Variants in JMJD1C observed in about 807,000 individuals in gnomAD.
JMJD1C encodes the protein jumonji domain containing 1C.
JMJD1C carries 31 observed loss-of-function variants against 245.3 expected under a neutral mutation model. The ratio of observed to expected loss-of-function variants is 0.13; its 90% confidence interval spans 0.09 to 0.17. JMJD1C has a LOEUF of 0.17. JMJD1C is among the 10% of genes least tolerant of loss of function. JMJD1C has a pLI of 1.00. For missense variants in JMJD1C, 2,691 were observed against 3,000.2 expected (o/e 0.90, Z 2.41); for synonymous variants, 1,057 against 1,017.4 (o/e 1.04, Z -0.74).
chr10:63,317,871 G>A (rs753639302), intron 2 of JMJD1C, among the ~76,000 whole-genome samples: 21 of 152,042 alleles, frequency 1.4e-4, no homozygotes, highest in Admixed American at 3.3e-4. Context: ...TCGAGACAGG[G>A]CCTTGCTCTG....
rs762894410 is a variant in JMJD1C, at chr10:63,208,074, T to G, written c.3595A>C (p.Ser1199Arg). ...LTVSSTNTLR[S>R]MPALHRAPVF... ...GGTGCTCTATGTAATGCAGGCATAC[T>G]GCGGAGTGTATTTGTAGAAGAAACT... The change falls in exon 10 of 26, where the codon AGT (serine) becomes CGT (arginine). Residue 1199 changes from serine to arginine, a missense_variant. By Grantham distance (110) the Ser-to-Arg change is moderately radical. This residue lies in a region of JMJD1C where 1,562 missense variants were observed against 1,490.7 expected (regional missense o/e 1.05). Transcript: ENST00000399262. 6 of 1,614,046 alleles carry G rather than the reference T, an allele frequency of 3.7e-6. No individual in the cohort carries two copies. The African/African-American group carries it at 8.0e-5, about 22-fold the overall frequency.
chr10:63,519,903 GT>G (rs1352182279), intron 1 of JMJD1C, among the ~76,000 whole-genome samples: 1 of 152,190 alleles, frequency 6.6e-6, no homozygotes, highest in East Asian at 1.9e-4. Context: ...ATTCATTTGA[GT>G]TTTATTGAAC....
At chr10:63,191,875 C>T (rs1844848668) in intron 16 of JMJD1C, among the ~76,000 whole-genome samples, 2 of 106,074 alleles carry the variant, frequency 1.9e-5, no homozygotes, top group Admixed American at 2.1e-4. Flanking sequence ...CTCCCCGCTA[C>T]TTGGGAGGCT....
chr10:63,465,606 G>T lies in JMJD1C; in HGVS notation c.57C>A (p.Val19=). The change falls in exon 1 of 26, where the codon GTC becomes GTA. Residue 19 remains valine, a synonymous_variant. Coordinates refer to ENST00000399262, the MANE Select transcript of JMJD1C (RefSeq NM_032776.3). ...LVGKRFLCVA[V]GDEARSERWE... is the part of the protein sequence containing the mutation. Reference sequence around the variant, plus strand: ...AGCGCTCCGAACGTGCCTCGTCGCCGACCGCCACACACAGGAACCGCTTAC... The same window carrying T: ...AGCGCTCCGAACGTGCCTCGTCGCCTACCGCCACACACAGGAACCGCTTAC... 1 of 1,609,708 alleles carries T rather than the reference G, an allele frequency of 6.2e-7. No individual in the cohort carries two copies. The highest frequency in any genetic ancestry group is 8.5e-7 in the Non-Finnish European group (1 of 1,179,864).
At chr10:63,324,579 T>C (rs868238920) in intron 2 of JMJD1C, among the ~76,000 whole-genome samples, 1 of 152,182 alleles carries the variant, frequency 6.6e-6, no homozygotes, top group African/African-American at 2.4e-5. Flanking sequence ...GATTCCTTCA[T>C]TCAATGAATG....
At chr10:63,312,094 CT>C (rs35328965) in intron 2 of JMJD1C, among the ~76,000 whole-genome samples, 7,923 of 64,670 alleles carry the variant, frequency 0.12, 272 homozygotes, top group South Asian at 0.26. Context: ...AGTAGCTAAA[CT>C]TTTTTTTTTT....
At chr10:63,392,930 G>A (rs1030447488) in intron 1 of JMJD1C, among the ~76,000 whole-genome samples, 1 of 131,762 alleles carries the variant, frequency 7.6e-6, no homozygotes, top group African/African-American at 2.9e-5. Flanking sequence ...GACATAAACA[G>A]ACATTTCTCA....
intron 2 of JMJD1C, among the ~76,000 whole-genome samples, chr10:63,368,144 C>CAGG (rs1371981811): frequency 1.3e-5 from 2 of 152,170 alleles, no homozygotes; most frequent in Non-Finnish European, 2.9e-5. Flanking sequence ...GGAAAACCAT[C>CAGG]AGGATTCTGG....
At chr10:63,205,727 A>T (rs1564601700) in intron 10 of JMJD1C, among the ~76,000 whole-genome samples, 1 of 152,224 alleles carries the variant, frequency 6.6e-6, no homozygotes, top group Non-Finnish European at 1.5e-5. Flanking sequence ...AGATAATTGT[A>T]ACACAAAGTA....
chr10:63,462,441 T>C (rs1952861133), intron 1 of JMJD1C, among the ~76,000 whole-genome samples: 1 of 152,252 alleles, frequency 6.6e-6, no homozygotes, highest in Non-Finnish European at 1.5e-5. Flanking sequence ...AAAAATAATT[T>C]AATCCCAAAG....
intron 21 of JMJD1C, among the ~76,000 whole-genome samples, chr10:63,183,824 A>G (rs552128604): frequency 6.6e-6 from 1 of 152,364 alleles, no homozygotes; most frequent in South Asian, 2.1e-4. Context: ...ACTTAACTAT[A>G]TATTGGCTGT....
intron 2 of JMJD1C, among the ~76,000 whole-genome samples, chr10:63,269,648 T>C (rs1856042564): frequency 1.3e-5 from 2 of 152,314 alleles, no homozygotes; most frequent in South Asian, 4.1e-4. Flanking sequence ...ATTTAAAATA[T>C]TTTTAGACAA....
chr10:63,512,200 C>CT (rs1954891932), intron 1 of JMJD1C, among the ~76,000 whole-genome samples: 2 of 152,110 alleles, frequency 1.3e-5, no homozygotes, highest in Admixed American at 1.3e-4. Flanking sequence ...TTTTAACAAA[C>CT]TGTTATCTGT....
intron 2 of JMJD1C, among the ~76,000 whole-genome samples, chr10:63,333,692 T>C (rs1374790217): frequency 2.0e-5 from 3 of 152,188 alleles, no homozygotes; most frequent in Non-Finnish European, 1.5e-5. Flanking sequence ...ATGACAATTA[T>C]GAGGCAGAAA....
At chr10:63,180,540 A>T (rs1267280225) in intron 22 of JMJD1C, among the ~76,000 whole-genome samples, 1 of 152,236 alleles carries the variant, frequency 6.6e-6, no homozygotes, top group Non-Finnish European at 1.5e-5. Flanking sequence ...TGGTAAAACA[A>T]AAAAATTAAG....
intron 2 of JMJD1C, among the ~76,000 whole-genome samples, chr10:63,357,814 C>CAG: frequency 1.9e-5 from 2 of 105,830 alleles, no homozygotes; most frequent in Non-Finnish European, 3.8e-5. Context: ...TGTCAAAAGA[C>CAG]ACAGACAGAC....
chr10:63,404,285 GAT>G (rs1949044072), intron 1 of JMJD1C, among the ~76,000 whole-genome samples: 1 of 152,156 alleles, frequency 6.6e-6, no homozygotes, highest in Non-Finnish European at 1.5e-5. Context: ...AGAACCAACA[GAT>G]AAATTGGCCA....
At chr10:63,197,771 G>A (rs192782214) in intron 12 of JMJD1C, among the ~76,000 whole-genome samples, 12 of 152,234 alleles carry the variant, frequency 7.9e-5, no homozygotes, top group East Asian at 7.7e-4. Flanking sequence ...TAAAAATGCC[G>A]TACATCTAAG....
intron 24 of JMJD1C, among the ~76,000 whole-genome samples, chr10:63,169,932 C>T (rs1842195309): frequency 6.6e-6 from 1 of 152,128 alleles, no homozygotes; most frequent in Non-Finnish European, 1.5e-5. Context: ...GGTGTCTTGT[C>T]TAACAGATGC....
Sources: gnomAD v4.1 joint callset for allele counts (sites outside exome capture counted in the v4.1 genomes callset) on GRCh38, gnomAD v4.1.1 for gene constraint, gnomAD v4.1.1 regional missense constraint, MANE v1.5 for transcripts, NCBI Gene and HGNC (gene_info 2026-07-23, HGNC 2026-07-21) for gene names.